The following ADAMTS14 variants were observed in gnomAD, a reference collection of about 807,000 sequenced individuals.
ADAMTS14 encodes A disintegrin and metalloproteinase with thrombospondin motifs 14.
A neutral mutation model predicts 128.6 loss-of-function variants in ADAMTS14; 100 were observed. The ratio of observed to expected loss-of-function variants is 0.78; its 90% CI spans 0.66 to 0.92. ADAMTS14 has a LOEUF of 0.92. Ranked by LOEUF, ADAMTS14 falls within the 40% of genes least tolerant of loss-of-function variation. The pLI, the probability that ADAMTS14 is intolerant of heterozygous loss-of-function variation, is 0.00. For missense variants in ADAMTS14, 1,562 were observed against 1,658.6 expected (o/e 0.94, Z 1.01); for synonymous variants, 665 against 653.8 (o/e 1.02, Z -0.26).
chr10:70,756,037 C>T (rs1040246082), intron 19 of ADAMTS14, among the ~76,000 whole-genome samples: 13 of 152,080 alleles, frequency 8.5e-5, no homozygotes, highest in Non-Finnish European at 1.8e-4. Context: ...TACTATACAA[C>T]AAGAAAAATG....
chr10:70,676,963 C>T (rs1839663879), intron 2 of ADAMTS14, among the ~76,000 whole-genome samples: 1 of 152,212 alleles, frequency 6.6e-6, no homozygotes, highest in Non-Finnish European at 1.5e-5. Context: ...GACTGCCCTC[C>T]TGGAGCGAGA....
At chr10:70,750,406 G>A (rs1842315880) in intron 16 of ADAMTS14, among the ~76,000 whole-genome samples, 1 of 152,168 alleles carries the variant, frequency 6.6e-6, no homozygotes, top group African/African-American at 2.4e-5. Context: ...TCCTGAAAAG[G>A]GGACAAGAGC....
intron 15 of ADAMTS14, chr10:70,745,596 C>A (rs10999506): frequency 0.074 from 32,542 of 439,832 alleles, 1,635 homozygotes; most frequent in African/African-American, 0.17. Flanking sequence ...TTAATAATTT[C>A]TTGTGCACAT....
At chr10:70,757,584 A>G (rs1390509543) in intron 19 of ADAMTS14, among the ~76,000 whole-genome samples, 4 of 152,142 alleles carry the variant, frequency 2.6e-5, no homozygotes, top group Non-Finnish European at 5.9e-5. Flanking sequence ...CTAGAGTGAT[A>G]CACAAAATAT....
intron 4 of ADAMTS14, among the ~76,000 whole-genome samples, chr10:70,716,063 G>A (rs1165993005): frequency 6.6e-6 from 1 of 152,202 alleles, no homozygotes; most frequent in Non-Finnish European, 1.5e-5. Context: ...TGTGGCCGGG[G>A]AACATTGTCA....
Position 70,744,090 on chromosome 10 carries a change from G to A in ADAMTS14, c.2083G>A (p.Gly695Arg). The change falls in exon 14 of 22, where the codon GGG becomes AGG. Residue 695 changes from glycine (G) to arginine (R), a missense_variant. Physicochemically the swap from Gly to Arg is moderately radical, Grantham distance 125 (BLOSUM62 -2). Transcript: ENST00000373207. ...CVPVGCDKEV[G>R]SMKADDKCGV... The stretch of plus-strand genomic sequence containing the variant: ...GCCTGTCGGCTGTGACAAGGAGGTG[G>A]GGTCCATGAAGGCGGATGACAAGTG... 1 of 1,565,328 alleles carries A rather than the reference G, an allele frequency of 6.4e-7. No homozygotes were observed. The highest frequency in any genetic ancestry group is 8.7e-7 in the Non-Finnish European group (1 of 1,154,986).
intron 4 of ADAMTS14, among the ~76,000 whole-genome samples, chr10:70,721,028 T>C (rs1415212102): frequency 5.7e-5 from 8 of 141,544 alleles, no homozygotes; most frequent in African/African-American, 7.9e-5. Flanking sequence ...TCTTTTTTTT[T>C]TTTTTTTTTT....
Position 70,690,992 on chromosome 10 carries a change from G to T in ADAMTS14, c.523-11320G>T, listed in dbSNP as rs942432300. Among the ~76,000 whole-genome samples, 2 of 144,734 alleles carry T rather than the reference G, an allele frequency of 1.4e-5. 1 individual carries two copies. Among genetic ancestry groups the T allele is most frequent in the Non-Finnish European group, 3.2e-5 (2 of 63,216 alleles). 95.0% of individuals were successfully genotyped at this position (144,734 alleles called of 152,430 possible). A position where few individuals can be genotyped will look rare whatever the true frequency, so the allele number is the denominator to read the frequency against. On this transcript the variant is annotated intron_variant, in intron 2 of 21. Coordinates refer to ENST00000373207, the MANE Select transcript of ADAMTS14 (RefSeq NM_080722.4). ...TGACAGAGGGGGAAGCCTCAGAGCC[G>T]CTTGGCTCCTGGGCACTCGGGAATG...
At chr10:70,744,339 G>C in intron 14 of ADAMTS14, 150 bp downstream of exon 14, 2 of 1,169,810 alleles carry the variant, frequency 1.7e-6, no homozygotes, top group Non-Finnish European at 2.2e-6. Flanking sequence ...GGCTGCCCAG[G>C]CTGGTGAGCC....
chr10:70,687,869 CCCCCCA>C (rs1840029788), intron 2 of ADAMTS14, among the ~76,000 whole-genome samples: 1 of 52,172 alleles, frequency 1.9e-5, no homozygotes, highest in Non-Finnish European at 3.8e-5. Context: ...GGGGGCTGAC[CCCCCCA>C]CCTCCCTCCT....
intron 2 of ADAMTS14, among the ~76,000 whole-genome samples, chr10:70,679,270 C>T (rs927383030): frequency 1.3e-5 from 2 of 152,170 alleles, no homozygotes; most frequent in African/African-American, 4.8e-5. Flanking sequence ...TTGAGGATGT[C>T]CAGGGGCAGG....
At chr10:70,743,420 C>T in intron 12 of ADAMTS14, 128 bp from the exon 13 acceptor site, 2 of 1,160,150 alleles carry the variant, frequency 1.7e-6, no homozygotes, top group East Asian at 3.0e-5. Context: ...GCCCCCGTGC[C>T]ACACCCAGTG....
At chr10:70,736,940 C>G (rs1368349209) in intron 10 of ADAMTS14, 147 bp downstream of exon 10, 1 of 663,694 alleles carries the variant, frequency 1.5e-6, no homozygotes, top group Non-Finnish European at 2.6e-6. Context: ...AGTGGTGAGT[C>G]CAGTGTGTGG....
intron 2 of ADAMTS14, among the ~76,000 whole-genome samples, chr10:70,684,696 G>A (rs1839905575): frequency 6.6e-6 from 1 of 152,226 alleles, no homozygotes; most frequent in Admixed American, 6.5e-5. Context: ...TCCTGCTGAT[G>A]TCTTAGAATA....
At chr10:70,683,888 G>A (rs531400875) in intron 2 of ADAMTS14, among the ~76,000 whole-genome samples, 1 of 152,344 alleles carries the variant, frequency 6.6e-6, no homozygotes, top group East Asian at 1.9e-4. Flanking sequence ...CTCCAACAGG[G>A]GGAAGGTGGA....
intron 14 of ADAMTS14, among the ~76,000 whole-genome samples, chr10:70,744,418 A>G (rs1246864635): frequency 2.6e-5 from 4 of 152,208 alleles, no homozygotes; most frequent in East Asian, 3.9e-4. Flanking sequence ...AGGAGCTCCA[A>G]GAGACATTTT....
In ADAMTS14 at chr10:70,749,994, C is replaced by T. The variant is rs1842304684; in HGVS notation, c.2427+9C>T. On this transcript the variant is annotated intron_variant, in intron 16 of 21. Coordinates refer to ENST00000373207, the MANE Select transcript of ADAMTS14 (RefSeq NM_080722.4). ...AAGCCATTGCCATCCTGGTGAGCCC[C>T]ACTCTGTGCGGTGGCAACCCCTGCC... 3.7e-6 allele frequency: 6 copies of T among 1,613,484 alleles called. No homozygotes were observed. The highest frequency in any genetic ancestry group is 5.1e-6 in the Non-Finnish European group (6 of 1,179,750).
At chr10:70,679,687 C>T (rs1399191183) in intron 2 of ADAMTS14, among the ~76,000 whole-genome samples, 1 of 152,266 alleles carries the variant, frequency 6.6e-6, no homozygotes, top group African/African-American at 2.4e-5. Context: ...CCGTGTTTCC[C>T]CCTTTGCCTT....
intron 17 of ADAMTS14, 62 bp from the exon 18 acceptor site, chr10:70,752,032 GC>G: frequency 6.4e-7 from 1 of 1,564,356 alleles, no homozygotes; most frequent in Non-Finnish European, 8.7e-7. Flanking sequence ...TGCCCCTGAG[GC>G]CCCACCAGGG....
Sources: gnomAD v4.1 joint callset for allele counts (sites outside exome capture counted in the v4.1 genomes callset) on GRCh38, gnomAD v4.1.1 for gene constraint, MANE v1.5 for transcripts, NCBI Gene and HGNC (gene_info 2026-07-23, HGNC 2026-07-21) for gene names.